TP63: variants seen among roughly 807,000 people sequenced by gnomAD.
TP63 encodes tumor protein 63.
TP63 carries 17 observed loss-of-function variants against 82.8 expected under a neutral mutation model. That is an observed-to-expected ratio of 0.21 (90% CI 0.14 to 0.31). The LOEUF is 0.31. TP63 is among the 10% of genes least tolerant of loss of function. TP63 has a pLI of 1.00. For missense variants in TP63, 648 were observed against 895.3 expected (o/e 0.72, Z 3.52); for synonymous variants, 330 against 321.7 (o/e 1.03, Z -0.28).
At chr3:189,667,168 ATTTT>A (rs11439554) in intron 1 of TP63, among the ~76,000 whole-genome samples, 8 of 122,082 alleles carry the variant, frequency 6.6e-5, no homozygotes, top group Admixed American at 1.8e-4. Context: ...AGAAGTTAGA[ATTTT>A]TTTTTTTTTT....
In TP63 at chr3:189,808,308, G is replaced by C. The variant is rs111466227; in HGVS notation, c.361G>C (p.Asp121His). 6.2e-7 allele frequency: 1 copy of C among 1,614,180 alleles called. No homozygotes were observed. The highest frequency in any genetic ancestry group is 8.5e-7 in the Non-Finnish European group (1 of 1,180,040). The change falls in exon 4 of 14, where the codon GAC (aspartate) becomes CAC (histidine). Residue 121 changes from aspartate to histidine, a missense_variant. Physicochemically the swap from Asp to His is moderately conservative, Grantham distance 81. Around this residue, in one of 5 missense-constraint regions of TP63, gnomAD observed 182 missense variants for 213.6 expected, o/e 0.85. Transcript: ENST00000264731. ...GAACCTGGGGCTCCTGAACAGCATG[G>C]ACCAGCAGATTCAGAACGGCTCCTC... is the stretch of plus-strand genomic sequence containing the variant. ...YTNLGLLNSMDQQIQNGSSST... is the reference protein window; with the variant it reads ...YTNLGLLNSMHQQIQNGSSST...
At chr3:189,634,546 ATTTAC>A (rs1729656011) in intron 1 of TP63, among the ~76,000 whole-genome samples, 1 of 151,996 alleles carries the variant, frequency 6.6e-6, no homozygotes, top group South Asian at 2.1e-4. Context: ...GTTAATGCTA[ATTTAC>A]TTTAGTCTTT....
intron 1 of TP63, among the ~76,000 whole-genome samples, chr3:189,693,238 T>C (rs1717085561): frequency 6.6e-6 from 1 of 152,194 alleles, no homozygotes; most frequent in Admixed American, 6.5e-5. Context: ...AAGTGATTTA[T>C]AAAGTATATA....
intron 4 of TP63, among the ~76,000 whole-genome samples, chr3:189,838,437 A>G (rs1450644052): frequency 6.6e-6 from 1 of 152,226 alleles, no homozygotes; most frequent in Non-Finnish European, 1.5e-5. Flanking sequence ...TTAAGTTTAC[A>G]AAGAATGCAG....
intron 1 of TP63, among the ~76,000 whole-genome samples, chr3:189,638,028 C>T (rs1318869252): frequency 6.6e-6 from 1 of 152,094 alleles, no homozygotes; most frequent in Non-Finnish European, 1.5e-5. Flanking sequence ...CGATTTTCTC[C>T]TACAGTCTCC....
At chr3:189,672,489 C>T (rs1714974270) in intron 1 of TP63, among the ~76,000 whole-genome samples, 1 of 152,030 alleles carries the variant, frequency 6.6e-6, no homozygotes, top group African/African-American at 2.4e-5. Flanking sequence ...GTAGTCCCAG[C>T]TACTAGGGGA....
intron 1 of TP63, among the ~76,000 whole-genome samples, chr3:189,708,088 G>A (rs183214413): frequency 2.3e-4 from 35 of 151,986 alleles, no homozygotes; most frequent in African/African-American, 8.5e-4. Context: ...ATTTTCTTAA[G>A]CTGGCTGTAG....
At chr3:189,784,337 AAGGATAAATAC>A (rs1408850318) in intron 3 of TP63, among the ~76,000 whole-genome samples, 1 of 152,104 alleles carries the variant, frequency 6.6e-6, no homozygotes, top group East Asian at 1.9e-4. Context: ...GACATTGAAG[AAGGATAAATAC>A]AGGAGTAGGG....
At chr3:189,614,489 C>T in the TP63 span, among the ~76,000 whole-genome samples, 3 of 152,226 alleles carry the variant, frequency 2.0e-5, no homozygotes, top group South Asian at 2.1e-4. Flanking sequence ...TATAGCTGCC[C>T]TGTATTGACA....
chr3:189,868,362 T>C (rs184751062), intron 7 of TP63, among the ~76,000 whole-genome samples: 63 of 152,338 alleles, frequency 4.1e-4, no homozygotes, highest in African/African-American at 1.4e-3. Flanking sequence ...CAGAGGTTCT[T>C]TGGAGAACAA....
intron 3 of TP63, among the ~76,000 whole-genome samples, chr3:189,757,830 G>A (rs966391333): frequency 6.6e-6 from 1 of 152,046 alleles, no homozygotes; most frequent in Non-Finnish European, 1.5e-5. Context: ...ATAATTGTTC[G>A]TGGTTGCAGC....
chr3:189,784,682 C>T (rs1576948051), intron 3 of TP63, among the ~76,000 whole-genome samples: 1 of 152,012 alleles, frequency 6.6e-6, no homozygotes, highest in East Asian at 1.9e-4. Flanking sequence ...TACGACAGAA[C>T]TCGTCTCCCT....
At chr3:189,867,160 G>A (rs1297136426) in intron 6 of TP63, among the ~76,000 whole-genome samples, 1 of 152,152 alleles carries the variant, frequency 6.6e-6, no homozygotes, top group Non-Finnish European at 1.5e-5. Context: ...AAGTGGGAAA[G>A]CCTAAGAGGG....
chr3:189,675,447 T>C (rs1225779793), intron 1 of TP63, among the ~76,000 whole-genome samples: 1 of 152,136 alleles, frequency 6.6e-6, no homozygotes, highest in South Asian at 2.1e-4. Flanking sequence ...AAAATTTAGA[T>C]TGCATTTAGA....
At chr3:189,779,656 A>T (rs1724076982) in intron 3 of TP63, among the ~76,000 whole-genome samples, 2 of 152,200 alleles carry the variant, frequency 1.3e-5, no homozygotes, top group African/African-American at 4.8e-5. Flanking sequence ...AGCACAGGGG[A>T]GCATGAAGTT....
intron 10 of TP63, among the ~76,000 whole-genome samples, chr3:189,882,046 A>T (rs1426975194): frequency 6.6e-6 from 1 of 151,904 alleles, no homozygotes; most frequent in East Asian, 1.9e-4. Flanking sequence ...ATTTTAGATA[A>T]ATATTTCAGA....
intron 8 of TP63, 152 bp downstream of exon 8, chr3:189,868,868 A>G: frequency 8.3e-7 from 1 of 1,210,102 alleles, no homozygotes; most frequent in Non-Finnish European, 1.2e-6. Context: ...TAGGTATAGC[A>G]TTGAAGTGGA....
intron 1 of TP63, among the ~76,000 whole-genome samples, chr3:189,710,760 A>G (rs1458975759): frequency 2.0e-5 from 3 of 152,158 alleles, no homozygotes; most frequent in Non-Finnish European, 4.4e-5. Context: ...GAAATTCCAG[A>G]TGACATGGGT....
intron 1 of TP63, among the ~76,000 whole-genome samples, chr3:189,707,514 G>A (rs1718292616): frequency 6.6e-6 from 1 of 151,870 alleles, no homozygotes; most frequent in Non-Finnish European, 1.5e-5. Flanking sequence ...ATTTTCTTTT[G>A]GAGATATTCC....
Sources: allele counts gnomAD v4.1 joint callset (sites outside exome capture counted in the v4.1 genomes callset), GRCh38; gene constraint gnomAD v4.1.1; regional missense constraint gnomAD v4.1.1; transcripts MANE v1.5; gene names NCBI Gene and HGNC (gene_info 2026-07-23, HGNC 2026-07-21).